The following CALN1 variants were observed in gnomAD, a reference collection of about 807,000 sequenced individuals.
The protein encoded by CALN1 is calcium-binding protein 8.
In CALN1, 17 loss-of-function variants were observed where a neutral mutation model predicts 30.6. The ratio of observed to expected loss-of-function variants is 0.56; its 90% confidence interval spans 0.38 to 0.83. The LOEUF (loss-of-function observed/expected upper bound fraction) is 0.83, where lower values mean the gene tolerates loss of function less well. Among genes scored for constraint, CALN1 ranks in the 40% least tolerant of loss-of-function variants. CALN1 has a pLI of 0.00. For missense variants in CALN1, 291 were observed against 354.9 expected (o/e 0.82, Z 1.45); for synonymous variants, 156 against 131.4 (o/e 1.19, Z -1.28).
chr7:72,160,418 A>C (rs1304835538), intron 3 of CALN1, among the ~76,000 whole-genome samples: 4 of 152,054 alleles, frequency 2.6e-5, no homozygotes, highest in African/African-American at 9.6e-5. Context: ...AGCTGGGATT[A>C]CAGGCATGCG....
chr7:71,981,013 A>G (rs1384781611), intron 5 of CALN1, among the ~76,000 whole-genome samples: 2 of 152,072 alleles, frequency 1.3e-5, no homozygotes, highest in African/African-American at 4.8e-5. Context: ...ACCACACACC[A>G]GGACACCGCC....
intron 5 of CALN1, among the ~76,000 whole-genome samples, chr7:71,810,697 T>C (rs2116198812): frequency 6.6e-6 from 1 of 152,228 alleles, no homozygotes; most frequent in Middle Eastern, 3.4e-3. Context: ...GAGTGGAACA[T>C]ATTCCCTTCG....
intron 4 of CALN1, among the ~76,000 whole-genome samples, chr7:72,048,270 C>A (rs1236943332): frequency 6.6e-6 from 1 of 152,088 alleles, no homozygotes. Context: ...AACTCTTGAG[C>A]TCAAGTGATC....
chr7:72,181,061 G>A (rs1232760716), intron 3 of CALN1, among the ~76,000 whole-genome samples: 2 of 138,364 alleles, frequency 1.4e-5, no homozygotes, highest in East Asian at 4.8e-4. Context: ...TCACGCCACT[G>A]CACTCCAGCC....
chr7:72,137,190 C>A (rs1272348811), intron 3 of CALN1, among the ~76,000 whole-genome samples: 1 of 152,036 alleles, frequency 6.6e-6, no homozygotes, highest in Non-Finnish European at 1.5e-5. Flanking sequence ...CGGAGGGGAG[C>A]CTATCTCAGG....
chr7:71,804,525 A>G (rs1787492817), intron 6 of CALN1, among the ~76,000 whole-genome samples: 1 of 152,184 alleles, frequency 6.6e-6, no homozygotes. Flanking sequence ...AAAATAAATA[A>G]ATAAATAAAC....
chr7:71,866,916 GA>G, intron 5 of CALN1, among the ~76,000 whole-genome samples: 1 of 152,104 alleles, frequency 6.6e-6, no homozygotes, highest in African/African-American at 2.4e-5. Context: ...AGGCCGAAAT[GA>G]GTGGATCACT....
chr7:71,798,123 CAGAGAGAGAG>C (rs3973907), intron 6 of CALN1, among the ~76,000 whole-genome samples: 2,796 of 70,860 alleles, frequency 0.039, 44 homozygotes, highest in Middle Eastern at 0.097. Flanking sequence ...GAGACAGAGA[CAGAGAGAGAG>C]AGAGAGAGAG....
chr7:72,296,031 A>G (rs1482271979), intron 2 of CALN1, among the ~76,000 whole-genome samples: 2 of 152,140 alleles, frequency 1.3e-5, no homozygotes, highest in East Asian at 1.9e-4. Flanking sequence ...ATTTTGAAAT[A>G]CATCCCATCA....
chr7:72,160,756 T>A (rs1427375075), intron 3 of CALN1, among the ~76,000 whole-genome samples: 1 of 152,176 alleles, frequency 6.6e-6, no homozygotes, highest in East Asian at 1.9e-4. Flanking sequence ...CTCAGCTCCC[T>A]CCAGCCTGAT....
intron 2 of CALN1, among the ~76,000 whole-genome samples, chr7:72,344,518 TTAAC>T (rs1223008331): frequency 1.3e-5 from 2 of 149,634 alleles, no homozygotes; most frequent in Non-Finnish European, 3.0e-5. Flanking sequence ...ATGCTTTCTG[TTAAC>T]TAACTCTGGA....
At chr7:71,916,159 AG>A (rs1794679022) in intron 5 of CALN1, among the ~76,000 whole-genome samples, 1 of 151,954 alleles carries the variant, frequency 6.6e-6, no homozygotes, top group Non-Finnish European at 1.5e-5. Flanking sequence ...AGAAACACAA[AG>A]GGATGTTCCC....
At chr7:72,004,834 A>G (rs1301689414) in intron 5 of CALN1, among the ~76,000 whole-genome samples, 1 of 152,250 alleles carries the variant, frequency 6.6e-6, no homozygotes, top group African/African-American at 2.4e-5. Context: ...CTAACCAATT[A>G]GAATATGGGC....
chr7:72,219,880 C>T (rs1002344013), intron 3 of CALN1, among the ~76,000 whole-genome samples: 1 of 152,060 alleles, frequency 6.6e-6, no homozygotes, highest in South Asian at 2.1e-4. Context: ...GAGCTACCTT[C>T]TAAACCAGAA....
chr7:72,209,282 T>TCCCTCCC (rs1792170334), intron 3 of CALN1, among the ~76,000 whole-genome samples: 1 of 98,880 alleles, frequency 1.0e-5, no homozygotes, highest in Non-Finnish European at 2.0e-5. Context: ...CCTTCCCTCT[T>TCCCTCCC]TCCTTCCCTC....
At chr7:72,256,992 A>G (rs943171522) in intron 3 of CALN1, among the ~76,000 whole-genome samples, 2 of 152,198 alleles carry the variant, frequency 1.3e-5, no homozygotes, top group Non-Finnish European at 2.9e-5. Context: ...ACTGCTATAA[A>G]GACACTACCC....
Position 72,189,383 on chromosome 7 carries a change from G to A in CALN1, c.245-83089C>T, listed in dbSNP as rs1790444004. On this transcript the variant is annotated intron_variant, in intron 3 of 6. Transcript: ENST00000395275. ...TTGTTTCTCAAGCAACAAAACATTT[G>A]GTCTCTGGTGTCAAAGAGGACTTTA... 2.0e-5 allele frequency among the ~76,000 whole-genome samples: 3 copies of A among 152,142 alleles called. No individual in the cohort carries two copies. The South Asian group carries it at 6.2e-4, about 32-fold the overall frequency.
At chr7:72,260,126 G>A (rs1796167337) in intron 3 of CALN1, among the ~76,000 whole-genome samples, 2 of 152,208 alleles carry the variant, frequency 1.3e-5, no homozygotes, top group African/African-American at 4.8e-5. Context: ...TAGAGGCCAG[G>A]AGTGTGAGGC....
intron 5 of CALN1, among the ~76,000 whole-genome samples, chr7:71,931,957 T>A (rs939840503): frequency 5.3e-5 from 8 of 152,172 alleles, no homozygotes; most frequent in African/African-American, 1.7e-4. Context: ...ATCAGGGCAG[T>A]TGGCATGCAG....
Sources: allele counts gnomAD v4.1 joint callset (sites outside exome capture counted in the v4.1 genomes callset), GRCh38; gene constraint gnomAD v4.1.1; transcripts MANE v1.5; gene names NCBI Gene and HGNC (gene_info 2026-07-23, HGNC 2026-07-21).